Variants in SLC2A9 observed in about 807,000 individuals in gnomAD.
SLC2A9 encodes the protein solute carrier family 2 member 9.
Under a neutral mutation model 50.6 loss-of-function variants are expected in SLC2A9, and 39 were observed. That is an observed-to-expected ratio of 0.77 (90% CI 0.60 to 1.01). The LOEUF is 1.01. SLC2A9 is among the 50% of genes least tolerant of loss of function. SLC2A9 has a pLI of 0.00. For missense variants in SLC2A9, 686 were observed against 677.6 expected, an observed-to-expected ratio of 1.01 and a Z score of -0.14; for synonymous variants, 324 against 276.9, an observed-to-expected ratio of 1.17 and a Z score of -1.69.
At chr4:9,775,085 T>G (rs1717375363), downstream of SLC2A9, among the ~76,000 whole-genome samples, 1 of 152,120 alleles carries the variant, frequency 6.6e-6, no homozygotes. Flanking sequence ...TCATGGGCCT[T>G]CCCTGTAGCT....
At chr4:9,856,601 C>A (rs1730751872) in intron 10 of SLC2A9, among the ~76,000 whole-genome samples, 1 of 152,156 alleles carries the variant, frequency 6.6e-6, no homozygotes, top group Non-Finnish European at 1.5e-5. Context: ...ATCCAGCAGT[C>A]CCATTATTGG....
At chr4:9,779,102 C>G (rs529456581), downstream of SLC2A9, among the ~76,000 whole-genome samples, 2 of 152,280 alleles carry the variant, frequency 1.3e-5, no homozygotes, top group Admixed American at 1.3e-4. Flanking sequence ...ATTATTAACT[C>G]ACTTCCCAGA....
chr4:9,814,477 C>T (rs1194003757), intron 3 of SLC2A9, among the ~76,000 whole-genome samples: 1 of 152,150 alleles, frequency 6.6e-6, no homozygotes, highest in African/African-American at 2.4e-5. Flanking sequence ...CTGTAGTAGC[C>T]ATCTATTGCT....
intron 3 of SLC2A9, among the ~76,000 whole-genome samples, chr4:9,809,624 C>T (rs1024659593): frequency 6.6e-6 from 1 of 152,190 alleles, no homozygotes; most frequent in African/African-American, 2.4e-5. Context: ...CTTCTCCCAG[C>T]CTCCCTTGGG....
chr4:9,997,792 G>A (rs1758986556), intron 2 of SLC2A9, among the ~76,000 whole-genome samples: 2 of 148,856 alleles, frequency 1.3e-5, no homozygotes, highest in Non-Finnish European at 3.0e-5. Flanking sequence ...AAAAAAAAAT[G>A]CTCATTTGAA....
In SLC2A9 at chr4:9,783,342, T is replaced by C. The variant is rs150352708; in HGVS notation, n.386-3277A>G. 43 of 1,614,204 alleles carry C rather than the reference T, an allele frequency of 2.7e-5. No homozygotes were observed. In the African/African-American group the frequency reaches 5.3e-4, roughly 20 times the overall value. On this transcript the variant is annotated intron_variant and non_coding_transcript_variant, in intron 3 of 3. Transcript: ENST00000503803. Reference sequence around the variant, plus strand: ...GAGGAGGGTCCTTTCGATCGCATGTTCCAGATCTATCAGACGTCCCCAGAT... The same window carrying C: ...GAGGAGGGTCCTTTCGATCGCATGTCCCAGATCTATCAGACGTCCCCAGAT...
At chr4:9,944,125 G>C (rs530547533) in intron 5 of SLC2A9, among the ~76,000 whole-genome samples, 6 of 152,174 alleles carry the variant, frequency 3.9e-5, no homozygotes, top group Non-Finnish European at 5.9e-5. Context: ...ACCACACAGA[G>C]GCATGATCCA....
At chr4:9,887,546 G>T in intron 10 of SLC2A9, 21 bp downstream of exon 10, 1 of 1,549,392 alleles carries the variant, frequency 6.5e-7, no homozygotes, top group Non-Finnish European at 8.7e-7. Context: ...GCGGGGCAGT[G>T]GGGAGGGTGG....
intron 11 of SLC2A9, among the ~76,000 whole-genome samples, chr4:9,833,806 GTGA>G (rs1355889610): frequency 6.6e-6 from 1 of 152,148 alleles, no homozygotes; most frequent in East Asian, 1.9e-4. Flanking sequence ...AGAATGGGTG[GTGA>G]TGTATATGAC....
intron 3 of SLC2A9, among the ~76,000 whole-genome samples, chr4:9,988,719 T>C (rs540771383): frequency 1.3e-5 from 2 of 152,172 alleles, no homozygotes; most frequent in South Asian, 2.1e-4. Flanking sequence ...ATCTTCCCCA[T>C]GAAACCCAGA....
chr4:10,011,801 C>A (rs1434758451), intron 2 of SLC2A9, among the ~76,000 whole-genome samples: 1 of 152,168 alleles, frequency 6.6e-6, no homozygotes, highest in Non-Finnish European at 1.5e-5. Context: ...GATTAGAAAG[C>A]AAACATCTTC....
intron 10 of SLC2A9, among the ~76,000 whole-genome samples, chr4:9,867,302 G>C (rs1732649189): frequency 6.6e-6 from 1 of 152,186 alleles, no homozygotes; most frequent in South Asian, 2.1e-4. Flanking sequence ...TCAAGGCCTG[G>C]TTCCGCTCCC....
chr4:9,841,415 G>A (rs1254199472), intron 10 of SLC2A9, among the ~76,000 whole-genome samples: 1 of 151,788 alleles, frequency 6.6e-6, no homozygotes, highest in Non-Finnish European at 1.5e-5. Context: ...AGTTTCCCAG[G>A]TTGGCTCTTT....
chr4:10,015,771 A>G (rs1260224821), intron 2 of SLC2A9, among the ~76,000 whole-genome samples: 1 of 152,198 alleles, frequency 6.6e-6, no homozygotes, highest in African/African-American at 2.4e-5. Flanking sequence ...CAGGTTGGAG[A>G]AGTATGGGAA....
At chr4:10,022,680 C>T (rs1763586678), upstream of SLC2A9, among the ~76,000 whole-genome samples, 1 of 152,088 alleles carries the variant, frequency 6.6e-6, no homozygotes. Flanking sequence ...AAAGAGAGAT[C>T]GAAAAGTTAG....
At chr4:9,916,576 T>C (rs1742885199) in intron 7 of SLC2A9, among the ~76,000 whole-genome samples, 1 of 152,208 alleles carries the variant, frequency 6.6e-6, no homozygotes, top group Non-Finnish European at 1.5e-5. Context: ...TGAGATATTT[T>C]ACATAATTCC....
At chr4:9,955,957 A>C (rs1751200589) in intron 5 of SLC2A9, among the ~76,000 whole-genome samples, 1 of 132,662 alleles carries the variant, frequency 7.5e-6, no homozygotes, top group East Asian at 2.3e-4. Context: ...GGCTCACTGC[A>C]ACCTCTGCCT....
At chr4:9,781,549 G>C (rs1276166645) in intron 3 of SLC2A9, 2 of 154,216 alleles carry the variant, frequency 1.3e-5, no homozygotes, top group South Asian at 4.1e-4. Context: ...GGGCGCCAAG[G>C]CACAGGTGGG....
intron 1 of SLC2A9, chr4:10,029,046 C>T (rs1763844614): frequency 1.3e-5 from 2 of 152,302 alleles, no homozygotes; most frequent in African/African-American, 4.8e-5. Context: ...TCAATCCCTT[C>T]CAGTCATCCA....
Sources: gnomAD v4.1 joint callset for allele counts (sites outside exome capture counted in the v4.1 genomes callset) on GRCh38, gnomAD v4.1.1 for gene constraint, MANE v1.5 for transcripts, NCBI Gene and HGNC (gene_info 2026-07-23, HGNC 2026-07-21) for gene names.